Variants in GRM8 observed in about 807,000 individuals in gnomAD.
GRM8 encodes the protein metabotropic glutamate receptor 8.
GRM8 carries 47 observed loss-of-function variants against 87.2 expected under a neutral mutation model. That is an observed-to-expected ratio of 0.54 (90% CI 0.43 to 0.69). The LOEUF is 0.69. Among genes scored for constraint, GRM8 ranks in the 30% least tolerant of loss-of-function variants. The pLI, the probability that GRM8 is intolerant of heterozygous loss-of-function variation, is 0.00. For missense variants in GRM8, 1,019 were observed against 1,139.2 expected (o/e 0.89, Z 1.52); for synonymous variants, 396 against 404.5 (o/e 0.98, Z 0.25).
chr7:126,700,915 A>G (rs1358375249), intron 7 of GRM8, among the ~76,000 whole-genome samples: 1 of 152,096 alleles, frequency 6.6e-6, no homozygotes, highest in Non-Finnish European at 1.5e-5. Context: ...CCTGATAAAG[A>G]ACAGTAAATT....
intron 6 of GRM8, among the ~76,000 whole-genome samples, chr7:126,781,626 C>T (rs1196519903): frequency 6.6e-6 from 1 of 152,180 alleles, no homozygotes; most frequent in African/African-American, 2.4e-5. Context: ...ATCACGGGAA[C>T]ACATGTTATA....
At chr7:126,834,434 TAATAAC>T (rs1270130210) in intron 6 of GRM8, among the ~76,000 whole-genome samples, 2 of 152,164 alleles carry the variant, frequency 1.3e-5, no homozygotes, top group African/African-American at 2.4e-5. Flanking sequence ...ATAATAGTAA[TAATAAC>T]AATAACAATC....
At chr7:126,791,512 G>T (rs1350871537) in intron 6 of GRM8, among the ~76,000 whole-genome samples, 1 of 152,172 alleles carries the variant, frequency 6.6e-6, no homozygotes, top group Non-Finnish European at 1.5e-5. Flanking sequence ...TCTGGGTTCT[G>T]CACACATTCA....
At chr7:126,959,619 C>A (rs1354855392) in intron 3 of GRM8, among the ~76,000 whole-genome samples, 1 of 152,168 alleles carries the variant, frequency 6.6e-6, no homozygotes, top group Non-Finnish European at 1.5e-5. Context: ...GGAAAAAAAT[C>A]TAAAACTCAC....
intron 2 of GRM8, chr7:127,111,007 C>T (rs961653583): frequency 1.3e-5 from 2 of 152,198 alleles, no homozygotes; most frequent in Non-Finnish European, 2.9e-5. Context: ...GGCAACCAGA[C>T]ATTTGAGAAA....
Position 126,685,226 on chromosome 7 carries a change from C to G in GRM8, c.1358-75728G>C, listed in dbSNP as rs955790357. On this transcript the variant is annotated intron_variant, in intron 7 of 10. Coordinates refer to ENST00000339582, the MANE Select transcript of GRM8 (RefSeq NM_000845.3). The surrounding 1 kb of genome is among the most constrained non-coding windows in gnomAD (Gnocchi z 4.2). Reference sequence around the variant, plus strand: ...GGGGGACCCCCTGGAGCCTACCACCCTGGGGGCCACCATGATGGGGCCGGG... The same window carrying G: ...GGGGGACCCCCTGGAGCCTACCACCGTGGGGGCCACCATGATGGGGCCGGG... 1.3e-5 allele frequency among the ~76,000 whole-genome samples: 2 copies of G among 152,184 alleles called. No homozygotes were observed. Among genetic ancestry groups the G allele is most frequent in the Non-Finnish European group, 2.9e-5 (2 of 68,024 alleles).
intron 2 of GRM8, among the ~76,000 whole-genome samples, chr7:127,205,004 G>C (rs959540754): frequency 2.0e-5 from 3 of 152,192 alleles, no homozygotes; most frequent in Non-Finnish European, 2.9e-5. Flanking sequence ...CGGTCACACA[G>C]GCAGTACCCA....
chr7:126,803,779 T>A (rs1457775337), intron 6 of GRM8, among the ~76,000 whole-genome samples: 4 of 152,232 alleles, frequency 2.6e-5, no homozygotes, highest in Non-Finnish European at 4.4e-5. Context: ...CACCACTTAC[T>A]TGGGCAGAGT....
chr7:126,616,951 T>C (rs918079603), intron 7 of GRM8, among the ~76,000 whole-genome samples: 1 of 152,042 alleles, frequency 6.6e-6, no homozygotes, highest in Non-Finnish European at 1.5e-5. Context: ...AGAGGTACAA[T>C]GAGGAGCTGG....
chr7:127,009,705 G>C (rs1222339158), intron 3 of GRM8, among the ~76,000 whole-genome samples: 1 of 151,916 alleles, frequency 6.6e-6, no homozygotes, highest in Non-Finnish European at 1.5e-5. Flanking sequence ...CTACTGATTT[G>C]GAATTGTGAA....
intron 3 of GRM8, among the ~76,000 whole-genome samples, chr7:126,987,193 C>T (rs1275438672): frequency 6.6e-6 from 1 of 152,096 alleles, no homozygotes; most frequent in Non-Finnish European, 1.5e-5. Context: ...AAAAACTTTT[C>T]TTTTTGAGAT....
chr7:127,179,931 C>A (rs1027767843), intron 2 of GRM8, among the ~76,000 whole-genome samples: 2 of 151,888 alleles, frequency 1.3e-5, no homozygotes, highest in Non-Finnish European at 2.9e-5. Context: ...TAAGGTCACA[C>A]CTCAAGGAGC....
intron 3 of GRM8, among the ~76,000 whole-genome samples, chr7:126,996,777 C>T (rs1300838265): frequency 6.6e-6 from 1 of 151,880 alleles, no homozygotes; most frequent in East Asian, 1.9e-4. Context: ...AACACTTGAA[C>T]ACCCAGATAT....
intron 3 of GRM8, among the ~76,000 whole-genome samples, chr7:126,995,599 T>A (rs887034703): frequency 3.3e-5 from 5 of 152,126 alleles, no homozygotes; most frequent in African/African-American, 1.2e-4. Flanking sequence ...CTTAATAACA[T>A]AACTGCTCAA....
chr7:127,015,213 A>G (rs927971114), intron 3 of GRM8, among the ~76,000 whole-genome samples: 1 of 134,574 alleles, frequency 7.4e-6, no homozygotes, highest in Non-Finnish European at 1.6e-5. Flanking sequence ...AAGAAGAAGA[A>G]GAAGAAGAAG....
At chr7:126,673,243 C>A (rs1161048020) in intron 7 of GRM8, among the ~76,000 whole-genome samples, 1 of 152,206 alleles carries the variant, frequency 6.6e-6, no homozygotes, top group Non-Finnish European at 1.5e-5. Flanking sequence ...ACCCTCCTTA[C>A]TCACTGTTCA....
chr7:126,502,145 G>T (rs191575410), intron 9 of GRM8, among the ~76,000 whole-genome samples: 28 of 152,050 alleles, frequency 1.8e-4, no homozygotes, highest in African/African-American at 5.5e-4. Flanking sequence ...GGCTAGAAAT[G>T]TTCATTCTAA....
chr7:127,200,728 T>C lies in GRM8; in HGVS notation c.510+41967A>G, dbSNP rs577233423. ...TTCACATGGCTTTCGCCCCTGTGTG[T>C]GTGTTTTCTCTTCTTATAAAGACAT... On this transcript the variant is annotated intron_variant, in intron 2 of 10. Transcript: ENST00000339582. Among the ~76,000 whole-genome samples the C allele has an allele frequency of 3.3e-5, 5 of 152,358 alleles. No individual in the cohort carries two copies. The East Asian group carries it at 9.6e-4, about 29-fold the overall frequency.
At chr7:126,674,601 A>G (rs1009223406) in intron 7 of GRM8, among the ~76,000 whole-genome samples, 4 of 152,202 alleles carry the variant, frequency 2.6e-5, no homozygotes, top group African/African-American at 9.6e-5. Context: ...AAAATAAAAA[A>G]TAACTATAAT....
Sources: allele counts gnomAD v4.1 joint callset (sites outside exome capture counted in the v4.1 genomes callset), GRCh38; gene constraint gnomAD v4.1.1; non-coding constraint Gnocchi (gnomAD v3.1); transcripts MANE v1.5; gene names NCBI Gene and HGNC (gene_info 2026-07-23, HGNC 2026-07-21).